HPGDS: variants seen among roughly 807,000 people sequenced by gnomAD.
The protein encoded by HPGDS is hematopoietic prostaglandin D synthase.
Under a neutral mutation model 23.1 loss-of-function variants are expected in HPGDS, and 26 were observed. That is an observed-to-expected ratio of 1.13 (90% CI 0.83 to 1.56). The LOEUF (loss-of-function observed/expected upper bound fraction) is 1.56, where lower values mean the gene tolerates loss of function less well. HPGDS is among the 40% of genes most tolerant of loss of function. The pLI is 0.00. For missense variants in HPGDS, 268 were observed against 236.4 expected (o/e 1.13, Z -0.88); for synonymous variants, 95 against 77.9 (o/e 1.22, Z -1.16).
At chr4:94,340,301 CTTTCTTTCTCTTTT>C (rs1721118721) in intron 1 of HPGDS, among the ~76,000 whole-genome samples, 1 of 32,172 alleles carries the variant, frequency 3.1e-5, no homozygotes, top group East Asian at 8.3e-4. Context: ...TTCTTTCTTT[CTTTCTTTCTCTTTT>C]TTTTTTTTTT....
Position 94,299,397 on chromosome 4 carries a change from T to G in HPGDS, c.*83A>C, listed in dbSNP as rs1424539930. 1 of 1,230,042 alleles carries G rather than the reference T, an allele frequency of 8.1e-7. No homozygotes were observed. Among genetic ancestry groups the G allele is most frequent in the Non-Finnish European group, 1.1e-6 (1 of 901,206 alleles). 76.2% of individuals were successfully genotyped at this position (1,230,042 alleles called of 1,614,324 possible). ...TGGAGCTGGGGAGGGAGCATGTGGA[T>G]TATCTGGCAGGCTGATGTAGCTGTC... On this transcript the variant is annotated 3_prime_UTR_variant, in exon 6 of 6. Coordinates refer to ENST00000295256, the MANE Select transcript of HPGDS (RefSeq NM_014485.3).
chr4:94,331,477 A>G (rs1395750108), intron 2 of HPGDS, among the ~76,000 whole-genome samples: 1 of 152,246 alleles, frequency 6.6e-6, no homozygotes, highest in East Asian at 1.9e-4. Context: ...AGGCAAAGAA[A>G]TAAAAACTAC....
Position 94,325,882 on chromosome 4 carries a change from G to A in HPGDS, c.134-7917C>T, listed in dbSNP as rs556325489. Among the ~76,000 whole-genome samples, 109 of 152,162 alleles carry A rather than the reference G, an allele frequency of 7.2e-4. 2 individuals are homozygous for A. In the South Asian group the frequency reaches 0.011, roughly 15 times the overall value. ...TTCTGCATCAGTCACGCTGGGAGCT[G>A]CAGACTGGAGCTGTTCCTATTCAGC... On this transcript the variant is annotated intron_variant, in intron 2 of 5. Coordinates refer to ENST00000295256, the MANE Select transcript of HPGDS (RefSeq NM_014485.3).
At chr4:94,313,330 C>T (rs1049357188) in intron 3 of HPGDS, among the ~76,000 whole-genome samples, 3 of 152,070 alleles carry the variant, frequency 2.0e-5, no homozygotes, top group Non-Finnish European at 2.9e-5. Context: ...TAGGGCAGGC[C>T]TAATGGTGAC....
intron 3 of HPGDS, among the ~76,000 whole-genome samples, chr4:94,315,697 G>T (rs1435634018): frequency 4.6e-5 from 7 of 152,086 alleles, no homozygotes; most frequent in Non-Finnish European, 1.5e-5. Flanking sequence ...CCTCAATAAA[G>T]GTGTTAAAAT....
At chr4:94,302,315 A>G (rs1756058326) in intron 4 of HPGDS, 71 bp from the exon 5 acceptor site, 7 of 1,021,386 alleles carry the variant, frequency 6.9e-6, no homozygotes, top group Admixed American at 4.0e-5. Flanking sequence ...GAGGAAGTAG[A>G]TTTCTCCATC....
intron 2 of HPGDS, among the ~76,000 whole-genome samples, chr4:94,322,592 T>G (rs993886382): frequency 6.6e-6 from 1 of 152,240 alleles, no homozygotes; most frequent in Admixed American, 6.5e-5. Context: ...TGTATTTCTG[T>G]GGGATCGGTG....
intron 3 of HPGDS, among the ~76,000 whole-genome samples, chr4:94,314,805 C>G (rs901689262): frequency 4.6e-5 from 7 of 152,198 alleles, no homozygotes; most frequent in Non-Finnish European, 7.4e-5. Flanking sequence ...AGCTTCCTGG[C>G]AGCTTTGTTT....
chr4:94,308,116 T>G (rs1325478689), intron 4 of HPGDS, among the ~76,000 whole-genome samples: 2 of 152,166 alleles, frequency 1.3e-5, no homozygotes, highest in Admixed American at 1.3e-4. Flanking sequence ...AATTCATTTA[T>G]GTTTCATTTA....
chr4:94,302,428 A>G (rs1008716926), intron 4 of HPGDS, among the ~76,000 whole-genome samples, 184 bp from the exon 5 acceptor site: 2 of 152,144 alleles, frequency 1.3e-5, no homozygotes, highest in African/African-American at 4.8e-5. Flanking sequence ...GATGTGAGTC[A>G]TCTCTTTATT....
chr4:94,316,554 GA>G (rs1195402298), intron 3 of HPGDS, among the ~76,000 whole-genome samples: 10 of 148,928 alleles, frequency 6.7e-5, no homozygotes, highest in South Asian at 2.1e-4. Context: ...AATTGCATAA[GA>G]AAAAAAGTCC....
chr4:94,336,634 C>T (rs1302922514), intron 1 of HPGDS, among the ~76,000 whole-genome samples: 1 of 152,074 alleles, frequency 6.6e-6, no homozygotes, highest in Non-Finnish European at 1.5e-5. Flanking sequence ...TGATTTACAG[C>T]CATAAATTTC....
At chr4:94,310,949 G>A (rs934036949) in intron 3 of HPGDS, among the ~76,000 whole-genome samples, 2 of 151,958 alleles carry the variant, frequency 1.3e-5, no homozygotes, top group South Asian at 2.1e-4. Flanking sequence ...TCTGTTATTG[G>A]TGTATAAGAA....
chr4:94,308,555 G>A (rs1308629731), intron 4 of HPGDS, 79 bp downstream of exon 4: 26 of 663,888 alleles, frequency 3.9e-5, no homozygotes, highest in Non-Finnish European at 6.9e-5. Flanking sequence ...TGATATTAAG[G>A]AACTTTCTAA....
chr4:94,313,777 A>C (rs1182170979), intron 3 of HPGDS, among the ~76,000 whole-genome samples: 1 of 152,180 alleles, frequency 6.6e-6, no homozygotes, highest in Non-Finnish European at 1.5e-5. Flanking sequence ...AGGTACACCA[A>C]TCAGACGTAG....
At chr4:94,301,907 C>T (rs1482298811) in intron 5 of HPGDS, among the ~76,000 whole-genome samples, 3 of 152,014 alleles carry the variant, frequency 2.0e-5, no homozygotes, top group African/African-American at 7.2e-5. Context: ...GGTTCATTTA[C>T]TTTGCTTTGA....
Position 94,334,631 on chromosome 4 carries a change from G to C in HPGDS, c.-2C>G. The C allele has an allele frequency of 1.2e-6, 2 of 1,609,242 alleles. No homozygotes were observed. The highest frequency in any genetic ancestry group is 1.7e-6 in the Non-Finnish European group (2 of 1,178,654). On this transcript the variant is annotated 5_prime_UTR_variant, in exon 2 of 6. Coordinates refer to ENST00000295256, the MANE Select transcript of HPGDS (RefSeq NM_014485.3). Reference sequence around the variant, plus strand: ...ATAAGTGAGTTTGTAGTTTGGCATGGTGCAATTCTGGAAAAAGAAAAAGGG... The same window carrying C: ...ATAAGTGAGTTTGTAGTTTGGCATGCTGCAATTCTGGAAAAAGAAAAAGGG...
chr4:94,331,869 G>A (rs912627629), intron 2 of HPGDS, among the ~76,000 whole-genome samples: 1 of 152,122 alleles, frequency 6.6e-6, no homozygotes, highest in Non-Finnish European at 1.5e-5. Flanking sequence ...AGAAATTCTA[G>A]GCAGACAGCA....
At chr4:94,313,120 G>A (rs1756314778) in intron 3 of HPGDS, among the ~76,000 whole-genome samples, 1 of 152,154 alleles carries the variant, frequency 6.6e-6, no homozygotes, top group South Asian at 2.1e-4. Context: ...TTTAATTGGA[G>A]CATTTAGGCC....
Sources: gnomAD v4.1 joint callset for allele counts (sites outside exome capture counted in the v4.1 genomes callset) on GRCh38, gnomAD v4.1.1 for gene constraint, MANE v1.5 for transcripts, NCBI Gene and HGNC (gene_info 2026-07-23, HGNC 2026-07-21) for gene names.